Variants in PCDHGA3 observed in about 807,000 individuals in gnomAD.
PCDHGA3 encodes the protein protocadherin gamma subfamily A, 3.
Under a neutral mutation model 58.5 loss-of-function variants are expected in PCDHGA3, and 40 were observed. The observed-to-expected ratio is 0.68, with a 90% CI of 0.53 to 0.89. The LOEUF (loss-of-function observed/expected upper bound fraction) is 0.89, where lower values mean the gene tolerates loss of function less well. PCDHGA3 is among the 40% of genes least tolerant of loss of function. The probability of loss-of-function intolerance (pLI) is 0.00; values close to 1 mark genes in which losing one functional copy is unlikely to be tolerated. For missense variants in PCDHGA3, 1,223 were observed against 1,195.9 expected (o/e 1.02, Z -0.33); for synonymous variants, 530 against 525.7 (o/e 1.01, Z -0.11).
chr5:141,386,487 A>G (rs1374608231), intron 1 of PCDHGA3, among the ~76,000 whole-genome samples: 1 of 149,584 alleles, frequency 6.7e-6, no homozygotes, highest in African/African-American at 2.5e-5. Context: ...GCCCACCTAG[A>G]TAATATAACA....
chr5:141,380,834 G>A (rs559775684), intron 1 of PCDHGA3, among the ~76,000 whole-genome samples: 114 of 152,272 alleles, frequency 7.5e-4, no homozygotes, highest in Admixed American at 3.9e-3. Flanking sequence ...TGAGGCATCA[G>A]GTAAAAATGG....
At chr5:141,404,495 T>A in intron 1 of PCDHGA3, 1 of 1,613,920 alleles carries the variant, frequency 6.2e-7, no homozygotes, top group South Asian at 1.1e-5. Context: ...TGGTGTGCTG[T>A]ATGCTCTGTG....
intron 1 of PCDHGA3, chr5:141,405,449 T>A: frequency 6.2e-6 from 8 of 1,283,878 alleles, no homozygotes; most frequent in South Asian, 1.4e-5. Context: ...AGACAGAGTC[T>A]TACTCTGTTA....
Position 141,485,400 on chromosome 5 carries a change from G to A in PCDHGA3, c.2425-9407G>A. On this transcript the variant is annotated intron_variant, in intron 1 of 3. Transcript: ENST00000253812. The surrounding 1 kb of genome is among the most constrained non-coding windows in gnomAD (Gnocchi z 5.7). ...GGAGAGGTGAACCAAAGACACTTCC[G>A]TGTGGATTTGGACAGCGGAGCCCTG... is the stretch of plus-strand genomic sequence containing the variant. The A allele has an allele frequency of 6.2e-7, 1 of 1,614,076 alleles. No homozygotes were observed. The highest frequency in any genetic ancestry group is 8.5e-7 in the Non-Finnish European group (1 of 1,179,948).
intron 1 of PCDHGA3, chr5:141,374,689 G>A (rs1337417637): frequency 1.2e-6 from 2 of 1,609,578 alleles, no homozygotes; most frequent in East Asian, 2.2e-5. Context: ...CACTGGACCG[G>A]GAAGGAGAAG....
intron 1 of PCDHGA3, chr5:141,408,394 C>T: frequency 6.2e-7 from 1 of 1,614,034 alleles, no homozygotes; most frequent in Non-Finnish European, 8.5e-7. Flanking sequence ...TGTCGGCTCG[C>T]AAGCTGCGAG....
chr5:141,351,877 C>T (rs932577945), intron 1 of PCDHGA3: 1 of 1,613,314 alleles, frequency 6.2e-7, no homozygotes, highest in Non-Finnish European at 8.5e-7. Context: ...CCGCGCTCAG[C>T]GCCAACGTGA....
In PCDHGA3 at chr5:141,361,196, C is replaced by T. The variant is rs1018062167; in HGVS notation, c.2424+14739C>T. ...GAAGTTATTGTGACTTCAGTATCTA[C>T]TCCCCTACCGGAGGATTCGCCACCA... On this transcript the variant is annotated intron_variant, in intron 1 of 3. Transcript: ENST00000253812. 2 of 1,613,842 alleles carry T rather than the reference C, an allele frequency of 1.2e-6. No individual in the cohort carries two copies. The highest frequency in any genetic ancestry group is 1.3e-5 in the African/African-American group (1 of 74,918).
chr5:141,371,997 C>T (rs772765707), intron 1 of PCDHGA3: 3 of 1,613,232 alleles, frequency 1.9e-6, no homozygotes, highest in East Asian at 2.2e-5. Context: ...TCTGCAGGCC[C>T]GCGACCAGGG....
At chr5:141,395,253 T>G (rs765397414) in intron 1 of PCDHGA3, 1 of 1,557,696 alleles carries the variant, frequency 6.4e-7, no homozygotes, top group Admixed American at 2.0e-5. Flanking sequence ...TTTAGTTCTT[T>G]GCTTGCTTTT....
Position 141,502,866 on chromosome 5 carries a change from C to CTTTTTTTTTTTTTT in PCDHGA3, c.2484-2526_2484-2513dup, listed in dbSNP as rs549047197. Among the ~76,000 whole-genome samples the CTTTTTTTTTTTTTT allele has an allele frequency of 1.6e-4, 20 of 128,024 alleles. 4 individuals are homozygous for CTTTTTTTTTTTTTT. The highest frequency in any genetic ancestry group is 2.6e-4 in the Admixed American group (3 of 11,660). 84.0% of individuals were successfully genotyped at this position (128,024 alleles called of 152,430 possible). A position where few individuals can be genotyped will look rare whatever the true frequency, so the allele number is the denominator to read the frequency against. The stretch of plus-strand genomic sequence containing the variant: ...GAGCTGCCTAACCCTGACTCTCTGT[C>CTTTTTTTTTTTTTT]TTTTTTTTTTTTTTGACAGGGAGTC... On this transcript the variant is annotated intron_variant, in intron 2 of 3. Transcript: ENST00000253812.
intron 1 of PCDHGA3, chr5:141,441,955 A>G: frequency 3.1e-6 from 1 of 320,028 alleles, no homozygotes; most frequent in Non-Finnish European, 6.0e-6. Context: ...GCAGGCCAGC[A>G]AGCCCAGGCT....
rs532490777 is a variant in PCDHGA3, at chr5:141,487,782, T to C, written c.2425-7025T>C. 7.2e-6 allele frequency: 11 copies of C among 1,525,744 alleles called. No homozygotes were observed. The South Asian group carries it at 1.2e-4, about 17-fold the overall frequency. The allele number at this position is 1,525,744 out of a possible 1,614,324, so 94.5% of individuals were successfully genotyped here. ...GACGCTGTGCTTTGTAACTGTTTCGTGAATTAACCAGAGTTGTCACAGTTT... is the reference window on the plus strand; with the variant it reads ...GACGCTGTGCTTTGTAACTGTTTCGCGAATTAACCAGAGTTGTCACAGTTT... On this transcript the variant is annotated intron_variant, in intron 1 of 3. Coordinates refer to ENST00000253812, the MANE Select transcript of PCDHGA3 (RefSeq NM_018916.4). This position sits in a 1 kb window ranked among gnomAD's most constrained non-coding sequence, Gnocchi z 5.0.
intron 1 of PCDHGA3, among the ~76,000 whole-genome samples, chr5:141,447,339 A>T (rs767342137): frequency 6.6e-6 from 1 of 151,770 alleles, no homozygotes; most frequent in Non-Finnish European, 1.5e-5. Flanking sequence ...GGGTTTCATC[A>T]TATTGGTCAG....
At chr5:141,388,800 G>T (rs1193679536) in intron 1 of PCDHGA3, 1 of 1,613,896 alleles carries the variant, frequency 6.2e-7, no homozygotes, top group Non-Finnish European at 8.5e-7. Context: ...AAATACATTA[G>T]ATTTTGAAGA....
Position 141,500,858 on chromosome 5 carries a change from A to G in PCDHGA3, c.2484-4535A>G, listed in dbSNP as rs1160743056. Among the ~76,000 whole-genome samples the G allele has an allele frequency of 3.3e-5, 5 of 150,740 alleles. No individual in the cohort carries two copies. The South Asian group carries it at 1.0e-3, about 32-fold the overall frequency. ...TAATGGGCTTTTGCTACATTAGAAA[A>G]CATACACATTCATTTACAATTTTTT... On this transcript the variant is annotated intron_variant, in intron 2 of 3. Coordinates refer to ENST00000253812, the MANE Select transcript of PCDHGA3 (RefSeq NM_018916.4).
At position 141,469,759 on chromosome 5, in the gene PCDHGA3, T is replaced by C. The variant is rs192437401; in HGVS notation, c.2425-25048T>C. On this transcript the variant is annotated intron_variant, in intron 1 of 3. Coordinates refer to ENST00000253812, the MANE Select transcript of PCDHGA3 (RefSeq NM_018916.4). ...ACCTCAAAAATTACAAAAATACATATATACCAGCTTATTTATTACAGCGTT... is the reference window on the plus strand; with the variant it reads ...ACCTCAAAAATTACAAAAATACATACATACCAGCTTATTTATTACAGCGTT... 3.9e-3 allele frequency among the ~76,000 whole-genome samples: 591 copies of C among 152,310 alleles called. 6 individuals are homozygous for C. Among genetic ancestry groups the C allele is most frequent in the Admixed American group, 0.011 (171 of 15,298 alleles).
At chr5:141,377,416 G>A (rs1455830122) in intron 1 of PCDHGA3, 5 of 151,976 alleles carry the variant, frequency 3.3e-5, no homozygotes, top group Non-Finnish European at 5.9e-5. Context: ...GACCAGCCTG[G>A]GTGACTCTGT....
At chr5:141,419,475 C>G (rs775720158) in intron 1 of PCDHGA3, 2 of 1,612,266 alleles carry the variant, frequency 1.2e-6, no homozygotes, top group Admixed American at 1.7e-5. Context: ...GACCAGGGCT[C>G]GCCCGCGCTC....
Sources: gnomAD v4.1 joint callset for allele counts (sites outside exome capture counted in the v4.1 genomes callset) on GRCh38, gnomAD v4.1.1 for gene constraint, Gnocchi (gnomAD v3.1) non-coding constraint, MANE v1.5 for transcripts, NCBI Gene and HGNC (gene_info 2026-07-23, HGNC 2026-07-21) for gene names.